Variants in SETD2 observed in about 807,000 individuals in gnomAD.
SETD2 encodes the protein SET domain containing 2, histone lysine methyltransferase.
SETD2 carries 31 observed loss-of-function variants against 242.1 expected under a neutral mutation model. The observed-to-expected ratio is 0.13, with a 90% confidence interval of 0.10 to 0.17. The LOEUF (loss-of-function observed/expected upper bound fraction) is 0.17, where lower values mean the gene tolerates loss of function less well. SETD2 is among the 10% of genes least tolerant of loss of function. SETD2 has a pLI of 1.00. For synonymous variants in SETD2, 1,006 were observed against 1,066.5 expected (o/e 0.94, Z 1.11); for missense variants, 2,481 against 3,046.3 (o/e 0.81, Z 4.37).
intron 5 of SETD2, among the ~76,000 whole-genome samples, chr3:47,110,586 G>T (rs1225856310): frequency 6.6e-6 from 1 of 152,086 alleles, no homozygotes; most frequent in African/African-American, 2.4e-5. Context: ...ACACTAACTA[G>T]TAACTTAGCT....
chr3:47,042,784 TA>T (rs2039342043), intron 16 of SETD2, 84 bp from the exon 17 acceptor site: 2 of 1,228,004 alleles, frequency 1.6e-6, no homozygotes, highest in African/African-American at 3.1e-5. Flanking sequence ...CTTAAATATG[TA>T]AAAATGTACA....
At chr3:47,140,494 C>G (rs1283205282) in intron 1 of SETD2, among the ~76,000 whole-genome samples, 1 of 152,146 alleles carries the variant, frequency 6.6e-6, no homozygotes, top group Non-Finnish European at 1.5e-5. Context: ...CCTCCAATAC[C>G]AAATAAGCCT....
intron 12 of SETD2, among the ~76,000 whole-genome samples, chr3:47,077,686 T>G (rs531533496): frequency 6.6e-6 from 1 of 152,312 alleles, no homozygotes. Context: ...AATCCAGATA[T>G]TGGTTTCAAA....
chr3:47,161,646 C>A (rs1042043827), intron 1 of SETD2, among the ~76,000 whole-genome samples: 1 of 152,142 alleles, frequency 6.6e-6, no homozygotes. Flanking sequence ...GGTTAATACA[C>A]AAGAAGAGGC....
At chr3:47,092,403 G>C (rs1404068354) in intron 9 of SETD2, among the ~76,000 whole-genome samples, 1 of 151,758 alleles carries the variant, frequency 6.6e-6, no homozygotes, top group East Asian at 1.9e-4. Flanking sequence ...TTATGTATGG[G>C]TCAACATCAT....
At chr3:47,048,110 C>A (rs367895050) in intron 15 of SETD2, among the ~76,000 whole-genome samples, 2 of 152,208 alleles carry the variant, frequency 1.3e-5, no homozygotes, top group East Asian at 3.9e-4. Flanking sequence ...TTTTTTAGGC[C>A]GGGGCACGGT....
At chr3:47,076,688 G>A (rs571985670) in intron 12 of SETD2, among the ~76,000 whole-genome samples, 6 of 152,196 alleles carry the variant, frequency 3.9e-5, no homozygotes, top group African/African-American at 1.4e-4. Context: ...GTACAGAAAA[G>A]GACAAAGCAT....
chr3:47,134,821 A>C (rs2043557397), intron 1 of SETD2, among the ~76,000 whole-genome samples: 1 of 152,096 alleles, frequency 6.6e-6, no homozygotes, highest in Non-Finnish European at 1.5e-5. Context: ...ACAGGGTTTC[A>C]CCATGTCGGC....
chr3:47,092,834 G>C (rs1480504532), intron 9 of SETD2, among the ~76,000 whole-genome samples: 1 of 152,096 alleles, frequency 6.6e-6, no homozygotes, highest in Non-Finnish European at 1.5e-5. Context: ...TTAAAAAACA[G>C]AATACTGCTA....
chr3:47,117,425 T>C (rs2042907466), intron 3 of SETD2, among the ~76,000 whole-genome samples: 1 of 152,226 alleles, frequency 6.6e-6, no homozygotes, highest in Non-Finnish European at 1.5e-5. Context: ...CAGTTTCAAG[T>C]GTTAAAGTCA....
chr3:47,137,734 T>C (rs1210679023), intron 1 of SETD2, among the ~76,000 whole-genome samples: 1 of 152,226 alleles, frequency 6.6e-6, no homozygotes, highest in Non-Finnish European at 1.5e-5. Flanking sequence ...TCGCCCAGGC[T>C]GGAGTGCAAT....
At chr3:47,083,366 C>T (rs973024416) in intron 12 of SETD2, among the ~76,000 whole-genome samples, 1 of 152,172 alleles carries the variant, frequency 6.6e-6, no homozygotes, top group South Asian at 2.1e-4. Context: ...ATTAATACAA[C>T]TGATTTCCAA....
At chr3:47,074,506 G>A (rs1181023641) in intron 12 of SETD2, among the ~76,000 whole-genome samples, 2 of 152,164 alleles carry the variant, frequency 1.3e-5, no homozygotes, top group Non-Finnish European at 2.9e-5. Flanking sequence ...TACTCACAAG[G>A]CAACTTGTAA....
intron 12 of SETD2, among the ~76,000 whole-genome samples, chr3:47,076,966 T>A (rs1287976875): frequency 6.6e-6 from 1 of 152,156 alleles, no homozygotes; most frequent in East Asian, 1.9e-4. Flanking sequence ...TAAAATACTG[T>A]AGCATAATGA....
chr3:47,084,202 G>A lies in SETD2; in HGVS notation c.5578C>T (p.Pro1860Ser). Reference sequence around the variant, plus strand: ...GCTTCTGTGCTCAGCTTGGTGGAAGGATCAGGTGTGTTGAGTGGTGTATGA... The same window carrying A: ...GCTTCTGTGCTCAGCTTGGTGGAAGAATCAGGTGTGTTGAGTGGTGTATGA... The part of the protein sequence containing the change: ...RAHTPLNTPD[P>S]STKLSTEADT... Residue 1860 changes from proline (P) to serine (S), a missense_variant, in exon 12 of 21, where the codon CCT becomes TCT. Pro to Ser is a moderately conservative substitution (Grantham distance 74, BLOSUM62 -1). Transcript: ENST00000409792. 6.2e-7 allele frequency: 1 copy of A among 1,614,080 alleles called. No individual in the cohort carries two copies. The highest frequency in any genetic ancestry group is 8.5e-7 in the Non-Finnish European group (1 of 1,180,012).
intron 3 of SETD2, chr3:47,119,641 T>C (rs2042993380): frequency 3.0e-6 from 1 of 332,308 alleles, no homozygotes; most frequent in African/African-American, 2.2e-5. Flanking sequence ...AAGTGCCTTT[T>C]GCCTCCTGCC....
chr3:47,050,723 C>CTCTTTTTTTTTT (rs1553682525), intron 15 of SETD2, among the ~76,000 whole-genome samples: 19 of 66,876 alleles, frequency 2.8e-4, no homozygotes, highest in Non-Finnish European at 4.7e-4. Flanking sequence ...TTTCCTCTCT[C>CTCTTTTTTTTTT]TTTTTTTTTT....
chr3:47,102,725 C>T (rs868257869), intron 7 of SETD2, among the ~76,000 whole-genome samples: 10 of 126,286 alleles, frequency 7.9e-5, no homozygotes, highest in Non-Finnish European at 1.3e-4. Flanking sequence ...ATCCAGGAGG[C>T]GGAGGTTGCA....
In SETD2 at chr3:47,122,525, C is replaced by T. The variant is rs1301843971; in HGVS notation, c.2111G>A (p.Gly704Glu). 1 of 1,614,074 alleles carries T rather than the reference C, an allele frequency of 6.2e-7. No individual in the cohort carries two copies. The highest frequency in any genetic ancestry group is 1.7e-5 in the Admixed American group (1 of 60,000). Residue 704 changes from glycine (G) to glutamate (E), a missense_variant, in exon 3 of 21, where the codon GGA (glycine) becomes GAA (glutamate). Around this residue, in one of 17 missense-constraint regions of SETD2, gnomAD observed 1,300 missense variants for 1,259.2 expected, o/e 1.03. Coordinates refer to ENST00000409792, the MANE Select transcript of SETD2 (RefSeq NM_014159.7). The part of the protein sequence containing the change: ...VLMTSDDSVT[G>E]SELSPLVKAC... ...TTTGACCAAAGGGGATAATTCCGAT[C>T]CAGTCACACTATCATCAGAAGTCAT...
Sources: allele counts gnomAD v4.1 joint callset (sites outside exome capture counted in the v4.1 genomes callset), GRCh38; gene constraint gnomAD v4.1.1; regional missense constraint gnomAD v4.1.1; transcripts MANE v1.5; gene names NCBI Gene and HGNC (gene_info 2026-07-23, HGNC 2026-07-21).